DPYSL2: variants seen among roughly 807,000 people sequenced by gnomAD.
DPYSL2 encodes the protein dihydropyrimidinase like 2.
DPYSL2 carries 13 observed loss-of-function variants against 69.9 expected under a neutral mutation model. The ratio of observed to expected loss-of-function variants is 0.19; its 90% CI spans 0.12 to 0.30. The LOEUF is 0.30. DPYSL2 is among the 10% of genes least tolerant of loss of function. DPYSL2 has a pLI of 1.00. For missense variants in DPYSL2, 587 were observed against 918.9 expected, an observed-to-expected ratio of 0.64 and a Z score of 4.67; for synonymous variants, 326 against 359.1, an observed-to-expected ratio of 0.91 and a Z score of 1.04.
At chr8:26,645,390 G>C (rs1803139942) in intron 10 of DPYSL2, among the ~76,000 whole-genome samples, 1 of 151,754 alleles carries the variant, frequency 6.6e-6, no homozygotes, top group Non-Finnish European at 1.5e-5. Context: ...GACACAGTGA[G>C]ACCCTGTTTC....
At position 26,564,812 on chromosome 8, in the gene DPYSL2, G is replaced by T. The variant is rs1210997574; in HGVS notation, c.355-17157G>T. 2.0e-5 allele frequency among the ~76,000 whole-genome samples: 3 copies of T among 151,920 alleles called. No homozygotes were observed. The highest frequency in any genetic ancestry group is 7.3e-5 in the African/African-American group (3 of 41,352). On this transcript the variant is annotated intron_variant, in intron 1 of 13. Coordinates refer to ENST00000521913, the MANE Select transcript of DPYSL2 (RefSeq NM_001197293.3). This position sits in a 1 kb window ranked among gnomAD's most constrained non-coding sequence, Gnocchi z 4.8. ...AGCTTTTGGGATACAAGTGGTTTTT[G>T]GTTACATAGATGAATTGTATAGTGG... is the stretch of plus-strand genomic sequence containing the variant.
chr8:26,597,696 G>T lies in DPYSL2; in HGVS notation c.628+13713G>T, dbSNP rs1325702016. Among the ~76,000 whole-genome samples the T allele has an allele frequency of 6.6e-6, 1 of 151,344 alleles. No individual in the cohort carries two copies. Among genetic ancestry groups the T allele is most frequent in the Non-Finnish European group, 1.5e-5 (1 of 67,946 alleles). On this transcript the variant is annotated intron_variant, in intron 3 of 13. Transcript: ENST00000521913. The surrounding 1 kb of genome is among the most constrained non-coding windows in gnomAD (Gnocchi z 5.2). ...TCACTGTTTTAGCCAGGATGGTCTCGATCTCCTGACCTTGTGATCCACCCG... is the reference window on the plus strand; with the variant it reads ...TCACTGTTTTAGCCAGGATGGTCTCTATCTCCTGACCTTGTGATCCACCCG...
chr8:26,650,569 G>T lies in DPYSL2; in HGVS notation c.1597-1688G>T, dbSNP rs1477687712. Among the ~76,000 whole-genome samples the T allele has an allele frequency of 6.6e-6, 1 of 152,176 alleles. No homozygotes were observed. Among genetic ancestry groups the T allele is most frequent in the Non-Finnish European group, 1.5e-5 (1 of 68,042 alleles). The stretch of plus-strand genomic sequence containing the variant: ...TCTCCCCAGAGTCACACAACTTCTG[G>T]ATTTTACCGTATCTGAGATGCCATC... On this transcript the variant is annotated intron_variant, in intron 11 of 13. Transcript: ENST00000521913. The surrounding 1 kb of genome is among the most constrained non-coding windows in gnomAD (Gnocchi z 5.3).
intron 3 of DPYSL2, among the ~76,000 whole-genome samples, chr8:26,601,052 G>A (rs761077681): frequency 2.0e-5 from 3 of 152,170 alleles, no homozygotes; most frequent in Non-Finnish European, 4.4e-5. Flanking sequence ...CCATCTCCAG[G>A]GCCAGTCCAT....
At chr8:26,515,871 T>G (rs187989968) in intron 1 of DPYSL2, among the ~76,000 whole-genome samples, 1 of 152,386 alleles carries the variant, frequency 6.6e-6, no homozygotes, top group East Asian at 1.9e-4. Context: ...AAGAGGTTTC[T>G]TCTTCTCAGA....
rs1159465553 is a variant in DPYSL2 at position 26,617,071 on chromosome 8, G to A, written c.629-7072G>A. On this transcript the variant is annotated intron_variant, in intron 3 of 13. Transcript: ENST00000521913. The surrounding 1 kb of genome is among the most constrained non-coding windows in gnomAD (Gnocchi z 4.7). ...TGACATCCCTGGTTTTAATTACAAA[G>A]GGCCCCTTGAGACCTTGTCAGAAAT... Among the ~76,000 whole-genome samples, 1 of 152,180 alleles carries A rather than the reference G, an allele frequency of 6.6e-6. No individual in the cohort carries two copies. Among genetic ancestry groups the A allele is most frequent in the African/African-American group, 2.4e-5 (1 of 41,436 alleles).
At chr8:26,531,001 A>G (rs868466128) in intron 1 of DPYSL2, among the ~76,000 whole-genome samples, 2 of 151,464 alleles carry the variant, frequency 1.3e-5, no homozygotes, top group Admixed American at 6.6e-5. Context: ...TGAGGCTGCA[A>G]TGAGCCCTGA....
chr8:26,621,078 T>G lies in DPYSL2; in HGVS notation c.629-3065T>G, dbSNP rs1179505897. 6.6e-6 allele frequency among the ~76,000 whole-genome samples: 1 copy of G among 152,242 alleles called. No homozygotes were observed. Among genetic ancestry groups the G allele is most frequent in the East Asian group, 1.9e-4 (1 of 5,204 alleles). On this transcript the variant is annotated intron_variant, in intron 3 of 13. Coordinates refer to ENST00000521913, the MANE Select transcript of DPYSL2 (RefSeq NM_001197293.3). This position sits in a 1 kb window ranked among gnomAD's most constrained non-coding sequence, Gnocchi z 4.9. ...CATTACTCTTTCTGGTTTATCACAT[T>G]TTCTTGTATTTTATGTATCTCTATA...
At chr8:26,574,710 T>G (rs1801299231) in intron 1 of DPYSL2, among the ~76,000 whole-genome samples, 1 of 152,164 alleles carries the variant, frequency 6.6e-6, no homozygotes, top group African/African-American at 2.4e-5. Flanking sequence ...TACAGGAAAT[T>G]TTCATTGAGT....
intron 1 of DPYSL2, among the ~76,000 whole-genome samples, chr8:26,522,333 A>G (rs1472945349): frequency 2.9e-5 from 4 of 139,504 alleles, no homozygotes; most frequent in Non-Finnish European, 6.3e-5. Flanking sequence ...ACAAACAAAC[A>G]AACAAATGTT....
rs146187635 is a variant in DPYSL2, at chr8:26,532,003, G to A, written c.354+17324G>A. Reference sequence around the variant, plus strand: ...GGATATGGGCACAGGGAGGGCACTTGTGCCTTTTGAAGGTCTTTTGCTTTT... The same window carrying A: ...GGATATGGGCACAGGGAGGGCACTTATGCCTTTTGAAGGTCTTTTGCTTTT... On this transcript the variant is annotated intron_variant, in intron 1 of 13. Transcript: ENST00000521913. Among the ~76,000 whole-genome samples, 152 of 152,236 alleles carry A rather than the reference G, an allele frequency of 1.0e-3. 1 individual carries two copies. The highest frequency in any genetic ancestry group is 3.5e-3 in the African/African-American group (144 of 41,522).
intron 1 of DPYSL2, among the ~76,000 whole-genome samples, chr8:26,551,222 G>A (rs970421362): frequency 4.6e-5 from 7 of 152,190 alleles, no homozygotes; most frequent in African/African-American, 1.7e-4. Flanking sequence ...ATCCAGTCAA[G>A]TTGACAGCCC....
At chr8:26,638,155 G>C (rs1205019790) in intron 8 of DPYSL2, 1 of 152,196 alleles carries the variant, frequency 6.6e-6, no homozygotes, top group Non-Finnish European at 1.5e-5. Flanking sequence ...TGCGTACCAG[G>C]AAAATAAATG....
chr8:26,578,754 T>A (rs1367798200), intron 1 of DPYSL2, among the ~76,000 whole-genome samples: 2 of 152,190 alleles, frequency 1.3e-5, no homozygotes, highest in Non-Finnish European at 2.9e-5. Context: ...AAAAGGGCTT[T>A]CTGGAGCCTT....
At chr8:26,607,666 T>C (rs903368209) in intron 3 of DPYSL2, among the ~76,000 whole-genome samples, 2 of 151,984 alleles carry the variant, frequency 1.3e-5, no homozygotes, top group Non-Finnish European at 2.9e-5. Flanking sequence ...TTTGTGTGCC[T>C]GTAGTCCCAG....
rs966543683 is a variant in DPYSL2, at chr8:26,564,460, G to A, written c.355-17509G>A. Among the ~76,000 whole-genome samples the A allele has an allele frequency of 6.6e-6, 1 of 152,204 alleles. No homozygotes were observed. Among genetic ancestry groups the A allele is most frequent in the African/African-American group, 2.4e-5 (1 of 41,464 alleles). On this transcript the variant is annotated intron_variant, in intron 1 of 13. Coordinates refer to ENST00000521913, the MANE Select transcript of DPYSL2 (RefSeq NM_001197293.3). This position sits in a 1 kb window ranked among gnomAD's most constrained non-coding sequence, Gnocchi z 4.8. Reference sequence around the variant, plus strand: ...TGGGAGCAGGCCGGGGTGGGAAACAGCATGGATTTGGGAATAATCCTTGAA... The same window carrying A: ...TGGGAGCAGGCCGGGGTGGGAAACAACATGGATTTGGGAATAATCCTTGAA...
intron 7 of DPYSL2, among the ~76,000 whole-genome samples, chr8:26,631,930 A>G (rs1802785687): frequency 1.3e-5 from 2 of 152,268 alleles, no homozygotes; most frequent in South Asian, 4.1e-4. Flanking sequence ...ACAAGTATGG[A>G]ACAATTTTGT....
At position 26,647,824 on chromosome 8, in the gene DPYSL2, C is replaced by A. The variant is rs1363063345; in HGVS notation, c.1596+24C>A. The A allele has an allele frequency of 2.5e-6, 4 of 1,584,612 alleles. No homozygotes were observed. The East Asian group carries it at 6.8e-5, about 27-fold the overall frequency. On this transcript the variant is annotated intron_variant, in intron 11 of 13. Transcript: ENST00000521913. This position sits in a 1 kb window ranked among gnomAD's most constrained non-coding sequence, Gnocchi z 5.1. Reference sequence around the variant, plus strand: ...GCGTAAGACCTGTTAACTGTGCAGACCCCATCCAAACGAATTACAGTCACA... The same window carrying A: ...GCGTAAGACCTGTTAACTGTGCAGAACCCATCCAAACGAATTACAGTCACA...
intron 7 of DPYSL2, among the ~76,000 whole-genome samples, chr8:26,628,707 A>G (rs1220846831): frequency 6.6e-6 from 1 of 152,162 alleles, no homozygotes; most frequent in Non-Finnish European, 1.5e-5. Flanking sequence ...TTTCCCCTTC[A>G]TGGGAGGAAG....
Sources: allele counts gnomAD v4.1 joint callset (sites outside exome capture counted in the v4.1 genomes callset), GRCh38; gene constraint gnomAD v4.1.1; non-coding constraint Gnocchi (gnomAD v3.1); transcripts MANE v1.5; gene names NCBI Gene and HGNC (gene_info 2026-07-23, HGNC 2026-07-21).